VWA3A: variants seen among roughly 807,000 people sequenced by gnomAD.
VWA3A encodes the protein von Willebrand factor A domain-containing protein 3A.
Under a neutral mutation model 160.4 loss-of-function variants are expected in VWA3A, and 134 were observed. The ratio of observed to expected loss-of-function variants is 0.84; its 90% CI spans 0.73 to 0.96. The LOEUF (loss-of-function observed/expected upper bound fraction) is 0.96. VWA3A is among the 40% of genes least tolerant of loss of function. The pLI is 0.00. For synonymous variants in VWA3A, 476 were observed against 543.4 expected (o/e 0.88, Z 1.72); for missense variants, 1,310 against 1,447.9 (o/e 0.90, Z 1.55).
At chr16:22,100,976 A>AAG (rs1322076657) in intron 5 of VWA3A, among the ~76,000 whole-genome samples, 1 of 151,696 alleles carries the variant, frequency 6.6e-6, no homozygotes, top group East Asian at 1.9e-4. Context: ...AAAAAAAAAA[A>AAG]AAAAAAAAGG....
In VWA3A at chr16:22,148,173, C is replaced by A. The variant is rs770972791; in HGVS notation, c.2851C>A (p.Leu951Met). The A allele has an allele frequency of 3.1e-6, 5 of 1,601,774 alleles. No homozygotes were observed. The highest frequency in any genetic ancestry group is 4.3e-6 in the Non-Finnish European group (5 of 1,174,364). ...CTGTCTCGGAGCAGGGAGCCGCCGA[C>A]TGTTTGGCACCGTTTTGGAGAGCAA... is the stretch of plus-strand genomic sequence containing the variant. Reference protein sequence around the residue: ...LQWLLSGSRRLFGTVLESKVC... With the variant: ...LQWLLSGSRRMFGTVLESKVC... The change falls in exon 28 of 34, where the codon CTG (leucine) becomes ATG (methionine). Residue 951 changes from leucine (L) to methionine (M), a missense_variant. Leu to Met is a conservative substitution (Grantham distance 15). Transcript: ENST00000389398.
chr16:22,094,820 G>T (rs1184583136), intron 1 of VWA3A, among the ~76,000 whole-genome samples: 3 of 152,068 alleles, frequency 2.0e-5, no homozygotes, highest in African/African-American at 4.8e-5. Context: ...ACAAAAATTA[G>T]CTGGGCATGG....
At chr16:22,150,352 G>A (rs1170840842) in intron 29 of VWA3A, among the ~76,000 whole-genome samples, 1 of 152,140 alleles carries the variant, frequency 6.6e-6, no homozygotes, top group East Asian at 1.9e-4. Context: ...AGTGAGCCGA[G>A]ATTGCACCAT....
chr16:22,111,246 T>C (rs1002123569), intron 8 of VWA3A, among the ~76,000 whole-genome samples: 9 of 152,212 alleles, frequency 5.9e-5, no homozygotes, highest in Non-Finnish European at 1.0e-4. Flanking sequence ...AGTTTTATTA[T>C]TGTGAAAATA....
chr16:22,133,130 CCAAA>C (rs2045979610), intron 20 of VWA3A, 35 bp downstream of exon 20: 1 of 1,587,548 alleles, frequency 6.3e-7, no homozygotes, highest in African/African-American at 1.3e-5. Context: ...TCAGCTCATT[CCAAA>C]CAGTTGTCTC....
At chr16:22,094,839 G>A (rs1278316001) in intron 1 of VWA3A, among the ~76,000 whole-genome samples, 1 of 151,902 alleles carries the variant, frequency 6.6e-6, no homozygotes, top group Non-Finnish European at 1.5e-5. Context: ...GGTGGTGGGC[G>A]CCTCTTAATC....
In VWA3A at chr16:22,126,231, T is replaced by C; in HGVS notation, c.1586T>C (p.Ile529Thr). The C allele has an allele frequency of 6.2e-7, 1 of 1,613,986 alleles. No homozygotes were observed. The highest frequency in any genetic ancestry group is 8.5e-7 in the Non-Finnish European group (1 of 1,179,878). The change falls in exon 17 of 34, where the codon ATC (isoleucine) becomes ACC (threonine). Residue 529 changes from isoleucine to threonine, a missense_variant. Ile to Thr is a moderately conservative substitution (Grantham distance 89, BLOSUM62 -1). Coordinates refer to ENST00000389398, the MANE Select transcript of VWA3A (RefSeq NM_173615.5). ...ACCAATTCCATGTACATTATTCATA[T>C]CCAGCACTCCCTGCGGCTGCTGCTG... ...SATNSMYIIHIQHSLRLLLEE... is the reference protein window; with the variant it reads ...SATNSMYIIHTQHSLRLLLEE...
At chr16:22,127,545 AT>A (rs1237554698) in intron 17 of VWA3A, among the ~76,000 whole-genome samples, 11 of 152,314 alleles carry the variant, frequency 7.2e-5, no homozygotes, top group Admixed American at 5.9e-4. Flanking sequence ...CAAATAGGGC[AT>A]TTTCTAAACC....
rs79858823 is a variant in VWA3A, at chr16:22,122,701, C to A, written c.1357-384C>A. Among the ~76,000 whole-genome samples, 84 of 152,246 alleles carry A rather than the reference C, an allele frequency of 5.5e-4. 2 individuals are homozygous for A. The East Asian group carries it at 0.015, about 27-fold the overall frequency. ...TAAAGGCCTGTCTAGGTTCCCAAAC[C>A]TAAGAAGCTATGGCCAGTATATTTT... On this transcript the variant is annotated intron_variant, in intron 14 of 33. Coordinates refer to ENST00000389398, the MANE Select transcript of VWA3A (RefSeq NM_173615.5).
chr16:22,152,409 C>T, intron 30 of VWA3A, 102 bp from the exon 31 acceptor site: 1 of 1,464,594 alleles, frequency 6.8e-7, no homozygotes. Context: ...AGGCTGATTT[C>T]TCTTAAGCCC....
At position 22,149,929 on chromosome 16, in the gene VWA3A, C is replaced by T; in HGVS notation, c.3127C>T (p.Leu1043=). 1 of 1,603,856 alleles carries T rather than the reference C, an allele frequency of 6.2e-7. No individual in the cohort carries two copies. Among genetic ancestry groups the T allele is most frequent in the Non-Finnish European group, 8.5e-7 (1 of 1,173,446 alleles). The change falls in exon 29 of 34, where the codon CTG becomes TTG. Residue 1043 remains leucine, a splice_region_variant and synonymous_variant. Transcript: ENST00000389398. ...CAGCACCTCCATCTTGCAAGCATTG[C>T]TGGCAAGTCCCACCACGGAGCCCGA... ...QGSTSILQAL[L]KAFSFHDLEG... is the part of the protein sequence containing the mutation.
At chr16:22,151,642 T>C (rs2046350002) in intron 30 of VWA3A, among the ~76,000 whole-genome samples, 2 of 151,812 alleles carry the variant, frequency 1.3e-5, no homozygotes, top group Admixed American at 6.6e-5. Flanking sequence ...GAGACTGAGG[T>C]GGGAGGATCA....
At chr16:22,128,240 A>G (rs1185449687) in intron 17 of VWA3A, among the ~76,000 whole-genome samples, 1 of 152,166 alleles carries the variant, frequency 6.6e-6, no homozygotes, top group Non-Finnish European at 1.5e-5. Flanking sequence ...TACAAATACA[A>G]TCGGGTTTGC....
At chr16:22,134,243 A>G (rs537835206) in intron 20 of VWA3A, 125 bp from the exon 21 acceptor site, 87 of 703,816 alleles carry the variant, frequency 1.2e-4, no homozygotes, top group Middle Eastern at 7.5e-4. Flanking sequence ...CTGGGATTAC[A>G]GGAGTAAGCC....
Position 22,144,379 on chromosome 16 carries a change from A to C in VWA3A, c.2725A>C (p.Ile909Leu). 6.2e-7 allele frequency: 1 copy of C among 1,610,588 alleles called. No homozygotes were observed. The highest frequency in any genetic ancestry group is 1.1e-5 in the South Asian group (1 of 90,204). The change falls in exon 26 of 34, where the codon ATC becomes CTC. Residue 909 changes from isoleucine to leucine, a missense_variant. Ile to Leu is a conservative substitution (Grantham distance 5, BLOSUM62 2). Coordinates refer to ENST00000389398, the MANE Select transcript of VWA3A (RefSeq NM_173615.5). Reference protein sequence around the residue: ...KHCSIFPSVEIHGVVRHIQWT... With the variant: ...KHCSIFPSVELHGVVRHIQWT... ...CTGCAGCATCTTCCCCAGCGTTGAG[A>C]TCCATGTAAGTCACAATTTTCATCA...
intron 12 of VWA3A, among the ~76,000 whole-genome samples, chr16:22,120,122 G>A (rs1447878717): frequency 2.0e-5 from 3 of 152,054 alleles, no homozygotes; most frequent in Non-Finnish European, 2.9e-5. Context: ...AGGTAAGTAT[G>A]TTATTACTTT....
At chr16:22,124,772 TAAAC>T (rs749316008) in intron 16 of VWA3A, among the ~76,000 whole-genome samples, 1 of 151,964 alleles carries the variant, frequency 6.6e-6, no homozygotes, top group African/African-American at 2.4e-5. Flanking sequence ...TTAAACTACT[TAAAC>T]AAAGATCAGA....
chr16:22,143,043 G>C (rs985411604), intron 25 of VWA3A, among the ~76,000 whole-genome samples: 1 of 151,866 alleles, frequency 6.6e-6, no homozygotes, highest in Non-Finnish European at 1.5e-5. Context: ...CCAGCTACTT[G>C]GGAGGCTACA....
At chr16:22,121,170 G>A (rs2045728467) in intron 13 of VWA3A, 67 bp downstream of exon 13, 7 of 1,605,254 alleles carry the variant, frequency 4.4e-6, no homozygotes, top group Non-Finnish European at 5.1e-6. Context: ...ATCCGGCCGG[G>A]CACAGTGGCT....
Sources: allele counts gnomAD v4.1 joint callset (sites outside exome capture counted in the v4.1 genomes callset), GRCh38; gene constraint gnomAD v4.1.1; transcripts MANE v1.5; gene names NCBI Gene and HGNC (gene_info 2026-07-23, HGNC 2026-07-21).